The following CYFIP1 variants were observed in gnomAD, a reference collection of about 807,000 sequenced individuals.
CYFIP1 encodes cytoplasmic FMR1 interacting protein 1.
A neutral mutation model predicts 163.5 loss-of-function variants in CYFIP1; 58 were observed. The ratio of observed to expected loss-of-function variants is 0.35; its 90% CI spans 0.29 to 0.44. CYFIP1 has a LOEUF of 0.44. Among genes scored for constraint, CYFIP1 ranks in the 20% least tolerant of loss-of-function variants. The probability of loss-of-function intolerance (pLI) is 1.00; values close to 1 mark genes in which losing one functional copy is unlikely to be tolerated. For synonymous variants in CYFIP1, 663 were observed against 660.7 expected, an observed-to-expected ratio of 1.00 and a Z score of -0.05; for missense variants, 1,338 against 1,653.8, an observed-to-expected ratio of 0.81 and a Z score of 3.31.
chr15:22,896,416 T>A (rs2060237649), intron 22 of CYFIP1, among the ~76,000 whole-genome samples: 1 of 152,076 alleles, frequency 6.6e-6, no homozygotes, highest in African/African-American at 2.4e-5. Context: ...TTTTGAAATC[T>A]TTTCTGCCCC....
chr15:22,867,734 A>AAAGTC lies in CYFIP1; in HGVS notation c.*2289_*2293dup, dbSNP rs2059214886. 1 of 152,228 alleles carries AAAGTC rather than the reference A, an allele frequency of 6.6e-6. No homozygotes were observed. 9.4% of individuals were successfully genotyped at this position (152,228 alleles called of 1,614,324 possible). On this transcript the variant is annotated 3_prime_UTR_variant, in exon 31 of 31. Transcript: ENST00000617928. ...AAGTTGAAATGAAGTTCTTATTCTA[A>AAAGTC]AAGTCTGAATGCTTAGAACAAACTT...
At chr15:22,941,542 C>CGT (rs758285134) in intron 6 of CYFIP1, among the ~76,000 whole-genome samples, 63 of 148,314 alleles carry the variant, frequency 4.2e-4, no homozygotes, top group African/African-American at 1.4e-3. Context: ...GAGCTAGATG[C>CGT]GTGTGTGTGT....
At chr15:22,980,253 C>G (rs1375725852) in intron 1 of CYFIP1, 34 bp downstream of exon 1, 1 of 151,584 alleles carries the variant, frequency 6.6e-6, no homozygotes, top group Non-Finnish European at 1.5e-5. Context: ...CCGCGGAGGC[C>G]GCAGGGCAGG....
At chr15:22,943,964 C>T (rs11635768) in intron 5 of CYFIP1, among the ~76,000 whole-genome samples, 37,573 of 151,898 alleles carry the variant, frequency 0.25, 5,250 homozygotes, top group African/African-American at 0.38. Flanking sequence ...ATTGGCCAGG[C>T]GTGGTGGCTC....
intron 26 of CYFIP1, 50 bp downstream of exon 26, chr15:22,879,863 G>A: frequency 7.1e-7 from 1 of 1,401,340 alleles, no homozygotes; most frequent in Non-Finnish European, 9.8e-7. Context: ...CCGGTGGGGT[G>A]GGGTGGGGTG....
At chr15:22,927,000 T>C (rs926302701) in intron 12 of CYFIP1, among the ~76,000 whole-genome samples, 4 of 152,082 alleles carry the variant, frequency 2.6e-5, no homozygotes, top group Non-Finnish European at 2.9e-5. Context: ...CTATTATGCA[T>C]CAATACAAGT....
chr15:22,870,329 GT>G (rs11435642), intron 30 of CYFIP1, 137 bp from the exon 31 acceptor site: 170 of 833,218 alleles, frequency 2.0e-4, no homozygotes, highest in African/African-American at 1.0e-3. Flanking sequence ...TTCTTTTTGG[GT>G]TTTTTTTTGT....
intron 23 of CYFIP1, among the ~76,000 whole-genome samples, chr15:22,889,815 T>C (rs2060024044): frequency 6.6e-6 from 1 of 152,148 alleles, no homozygotes; most frequent in Non-Finnish European, 1.5e-5. Flanking sequence ...CCAGAGCAAA[T>C]CTTTTAGTTC....
chr15:22,875,315 C>G (rs768891492), intron 26 of CYFIP1, 44 bp from the exon 27 acceptor site: 16 of 1,560,674 alleles, frequency 1.0e-5, no homozygotes, highest in Non-Finnish European at 1.2e-5. Context: ...GGGTATCTCG[C>G]CAGAGAGCAA....
At chr15:22,978,083 G>T (rs1016873397) in intron 1 of CYFIP1, among the ~76,000 whole-genome samples, 2 of 151,800 alleles carry the variant, frequency 1.3e-5, no homozygotes, top group African/African-American at 4.8e-5. Flanking sequence ...CGGGCACAGT[G>T]GCTCATGCCT....
chr15:22,903,576 T>C, intron 22 of CYFIP1, 130 bp downstream of exon 22: 2 of 971,910 alleles, frequency 2.1e-6, no homozygotes, highest in Non-Finnish European at 3.1e-6. Context: ...GCCTGCGTGC[T>C]CTTCATGTGA....
chr15:22,899,762 G>A (rs1327059463), intron 22 of CYFIP1, among the ~76,000 whole-genome samples: 4 of 151,986 alleles, frequency 2.6e-5, no homozygotes, highest in African/African-American at 9.7e-5. Flanking sequence ...AAAACAGTAT[G>A]TTCGTCCAGG....
At chr15:22,977,770 G>A (rs2063326804) in intron 1 of CYFIP1, among the ~76,000 whole-genome samples, 2 of 152,008 alleles carry the variant, frequency 1.3e-5, no homozygotes, top group Admixed American at 6.6e-5. Flanking sequence ...GGTGGAAGTT[G>A]CAGTGAGCCG....
At position 22,918,674 on chromosome 15, in the gene CYFIP1, G is replaced by C; in HGVS notation, c.1526+18C>G. 6.4e-7 allele frequency: 1 copy of C among 1,569,424 alleles called. No homozygotes were observed. On this transcript the variant is annotated intron_variant, in intron 14 of 30. Coordinates refer to ENST00000617928, the MANE Select transcript of CYFIP1 (RefSeq NM_014608.6). Reference sequence around the variant, plus strand: ...GGACGTGTGGGCACAGCGGGCACAGGGCGTGGGGAAGGCTGACCTCTGGAT... The same window carrying C: ...GGACGTGTGGGCACAGCGGGCACAGCGCGTGGGGAAGGCTGACCTCTGGAT...
At chr15:22,916,143 C>G (rs373349581) in intron 16 of CYFIP1, among the ~76,000 whole-genome samples, 2 of 152,338 alleles carry the variant, frequency 1.3e-5, no homozygotes, top group East Asian at 3.9e-4. Context: ...TCATGGTCTG[C>G]AAGGGCCATT....
Position 22,939,248 on chromosome 15 carries a change from C to A in CYFIP1, c.739G>T (p.Asp247Tyr), listed in dbSNP as rs775837494. The part of the protein sequence containing the change: ...LLADIVNLCV[D>Y]YYENRMYLTP... ...AAATACATCCTGTTCTCGTAGTAAT[C>A]CACACACAGATTCACAATATCTGCC... The change falls in exon 8 of 31, where the codon GAT (aspartate) becomes TAT (tyrosine). Residue 247 changes from aspartate (D) to tyrosine (Y), a missense_variant. Physicochemically the swap from Asp to Tyr is radical, Grantham distance 160. This residue lies in a region of CYFIP1 where 824 missense variants were observed against 995.7 expected (regional missense o/e 0.83). Coordinates refer to ENST00000617928, the MANE Select transcript of CYFIP1 (RefSeq NM_014608.6). 1 of 1,614,182 alleles carries A rather than the reference C, an allele frequency of 6.2e-7. No homozygotes were observed. The highest frequency in any genetic ancestry group is 2.2e-5 in the East Asian group (1 of 44,882).
At position 22,910,550 on chromosome 15, in the gene CYFIP1, G is replaced by A. The variant is rs141106211; in HGVS notation, c.2238C>T (p.Tyr746=). The change falls in exon 20 of 31, where the codon TAC becomes TAT. Residue 746 remains tyrosine, a synonymous_variant. Coordinates refer to ENST00000617928, the MANE Select transcript of CYFIP1 (RefSeq NM_014608.6). ...ATIHLPPSNR[Y]ETLLKQRHVQ... is the part of the protein sequence containing the mutation. The stretch of plus-strand genomic sequence containing the variant: ...CATGCCTCTGCTTCAGCAGCGTCTC[G>A]TAGCGGTTAGACGGCGGGAGGTGGA... 3.9e-4 allele frequency: 627 copies of A among 1,614,092 alleles called. 3 individuals are homozygous for A. The African/African-American group carries it at 7.2e-3, about 19-fold the overall frequency.
At position 22,917,685 on chromosome 15, in the gene CYFIP1, GCGAGGACCTCATTTAAC is replaced by G; in HGVS notation, c.1674+86_1674+102del. ...GCCACTTTCTCTGCCTGAGCAGGCAGCGAGGACCTCATTTAACCCGGGCCTCACCAGCCCCACCCGCT... is the reference window on the plus strand; with the variant it reads ...GCCACTTTCTCTGCCTGAGCAGGCAGCCGGGCCTCACCAGCCCCACCCGCT... On this transcript the variant is annotated intron_variant, in intron 15 of 30. Coordinates refer to ENST00000617928, the MANE Select transcript of CYFIP1 (RefSeq NM_014608.6). This position sits in a 1 kb window ranked among gnomAD's most constrained non-coding sequence, Gnocchi z 4.2. 2.2e-6 allele frequency: 3 copies of G among 1,350,074 alleles called. No individual in the cohort carries two copies. Among genetic ancestry groups the G allele is most frequent in the Non-Finnish European group, 3.0e-6 (3 of 1,014,202 alleles). The allele number at this position is 1,350,074 out of a possible 1,614,324, so 83.6% of individuals were successfully genotyped here.
chr15:22,898,232 T>C (rs1033933596), intron 22 of CYFIP1, among the ~76,000 whole-genome samples: 5 of 152,154 alleles, frequency 3.3e-5, no homozygotes, highest in Admixed American at 3.3e-4. Flanking sequence ...CCTGTTACTC[T>C]ATCATTCCAA....
Sources: gnomAD v4.1 joint callset for allele counts (sites outside exome capture counted in the v4.1 genomes callset) on GRCh38, gnomAD v4.1.1 for gene constraint, gnomAD v4.1.1 regional missense constraint, Gnocchi (gnomAD v3.1) non-coding constraint, MANE v1.5 for transcripts, NCBI Gene and HGNC (gene_info 2026-07-23, HGNC 2026-07-21) for gene names.